HTATIP2: variants seen among roughly 807,000 people sequenced by gnomAD.
The protein encoded by HTATIP2 is HIV-1 Tat interactive protein 2.
HTATIP2 carries 26 observed loss-of-function variants against 24.7 expected under a neutral mutation model. That is an observed-to-expected ratio of 1.05 (90% CI 0.77 to 1.46). The LOEUF (loss-of-function observed/expected upper bound fraction) is 1.46. HTATIP2 is among the 40% of genes most tolerant of loss of function. HTATIP2 has a pLI of 0.00. For missense variants in HTATIP2, 284 were observed against 289.6 expected, an observed-to-expected ratio of 0.98 and a Z score of 0.14; for synonymous variants, 99 against 113.2, an observed-to-expected ratio of 0.87 and a Z score of 0.79.
At chr11:20,367,555 T>A (rs2064724563) in intron 2 of HTATIP2, 1 of 1,415,324 alleles carries the variant, frequency 7.1e-7, no homozygotes, top group Non-Finnish European at 9.2e-7. Context: ...TATCACTACA[T>A]CCCCTGACTA....
chr11:20,365,012 C>T, intron 1 of HTATIP2, among the ~76,000 whole-genome samples: 1 of 143,966 alleles, frequency 6.9e-6, no homozygotes. Flanking sequence ...GAGACGGAGT[C>T]TCACTCTGTC....
At chr11:20,376,385 G>A (rs527931698) in intron 2 of HTATIP2, 195 bp from the exon 3 acceptor site, 3 of 586,988 alleles carry the variant, frequency 5.1e-6, no homozygotes, top group Admixed American at 3.5e-5. Flanking sequence ...TGCTGCTAAA[G>A]CTGGTGTGCC....
chr11:20,367,026 T>G, intron 1 of HTATIP2, 148 bp from the exon 2 acceptor site: 1 of 859,746 alleles, frequency 1.2e-6, no homozygotes, highest in Non-Finnish European at 1.8e-6. Flanking sequence ...TCATTGCTTT[T>G]TGGTTGGAGA....
rs1200270831 is a variant in HTATIP2, at chr11:20,364,013, G to A, written c.-225G>A. 7.8e-7 allele frequency: 1 copy of A among 1,274,936 alleles called. No individual in the cohort carries two copies. Among genetic ancestry groups the A allele is most frequent in the Non-Finnish European group, 9.9e-7 (1 of 1,010,602 alleles). 79.0% of individuals were successfully genotyped at this position (1,274,936 alleles called of 1,614,324 possible). On this transcript the variant is annotated 5_prime_UTR_variant, in exon 1 of 5. It introduces an in-frame stop codon into an upstream open reading frame of the 5' UTR. Coordinates refer to ENST00000451739, the MANE Select transcript of HTATIP2 (RefSeq NM_001098522.2). The stretch of plus-strand genomic sequence containing the variant: ...TGATGCCAGCAGCTTGTGGCACCTG[G>A]GCGCACCCTCCAGCTCGGGCCCCTT...
At chr11:20,366,496 A>G (rs984471426) in intron 1 of HTATIP2, among the ~76,000 whole-genome samples, 3 of 152,142 alleles carry the variant, frequency 2.0e-5, no homozygotes, top group Admixed American at 6.5e-5. Flanking sequence ...ATAGGAATTT[A>G]TCATGCTTTC....
At chr11:20,367,336 C>CT (rs775585367) in intron 2 of HTATIP2, 55 bp downstream of exon 2, 1 of 1,611,892 alleles carries the variant, frequency 6.2e-7, no homozygotes, top group Non-Finnish European at 8.5e-7. Context: ...ATCAAGGATT[C>CT]TTTTCTTGCT....
intron 2 of HTATIP2, among the ~76,000 whole-genome samples, chr11:20,370,697 T>A (rs772887267): frequency 6.6e-6 from 1 of 152,238 alleles, no homozygotes; most frequent in Non-Finnish European, 1.5e-5. Flanking sequence ...TTGCCCAGGC[T>A]AGAGTGCAGT....
Position 20,364,401 on chromosome 11 carries a change from T to C in HTATIP2, c.164T>C (p.Leu55Pro). Residue 55 changes from leucine (L) to proline (P), a missense_variant, in exon 1 of 5, where the codon CTC becomes CCC. Physicochemically the swap from Leu to Pro is moderately conservative, Grantham distance 98 (BLOSUM62 -3). Coordinates refer to ENST00000451739, the MANE Select transcript of HTATIP2 (RefSeq NM_001098522.2). ...SKVTLIGRRK[L>P]TFDEEAYKNV... Reference sequence around the variant, plus strand: ...GTCACGCTCATTGGCCGGAGGAAGCTCACCTTCGACGAGGAAGCTTATAAA... The same window carrying C: ...GTCACGCTCATTGGCCGGAGGAAGCCCACCTTCGACGAGGAAGCTTATAAA... 6 of 1,609,528 alleles carry C rather than the reference T, an allele frequency of 3.7e-6. No homozygotes were observed. Among genetic ancestry groups the C allele is most frequent in the Non-Finnish European group, 3.4e-6 (4 of 1,176,792 alleles).
chr11:20,376,332 G>C (rs1848445280), intron 2 of HTATIP2: 2 of 482,624 alleles, frequency 4.1e-6, no homozygotes. Flanking sequence ...TGGTGTCTGT[G>C]TTTCAATGTC....
chr11:20,382,836 C>G (rs1848540039), intron 4 of HTATIP2, 144 bp from the exon 5 acceptor site: 1 of 535,624 alleles, frequency 1.9e-6, no homozygotes, highest in African/African-American at 2.7e-5. Context: ...GCCTTATCTT[C>G]AAATATAGAC....
At chr11:20,367,459 C>T (rs755176759) in intron 2 of HTATIP2, 178 bp downstream of exon 2, 22 of 1,474,094 alleles carry the variant, frequency 1.5e-5, no homozygotes, top group South Asian at 5.7e-5. Context: ...CTGATAAGTT[C>T]GTCTTTCAAA....
At chr11:20,378,423 C>T (rs79343400) in intron 3 of HTATIP2, among the ~76,000 whole-genome samples, 4,482 of 152,238 alleles carry the variant, frequency 0.029, 226 homozygotes, top group African/African-American at 0.1. Context: ...CAGCCTCAAC[C>T]TCCTGAGCAG....
In HTATIP2 at chr11:20,383,534, G is replaced by A; in HGVS notation, c.*329G>A. 7.5e-6 allele frequency: 2 copies of A among 265,926 alleles called. No homozygotes were observed. The highest frequency in any genetic ancestry group is 1.4e-5 in the Non-Finnish European group (2 of 139,880). 16.5% of individuals were successfully genotyped at this position (265,926 alleles called of 1,614,324 possible). On this transcript the variant is annotated 3_prime_UTR_variant, in exon 5 of 5. Transcript: ENST00000451739. ...TGGTTCCGATGCCACTGGCTGGGGG[G>A]CCTGCTTTGAAATGCTTGTCTGCAG...
Position 20,383,272 on chromosome 11 carries a change from C to A in HTATIP2, c.*67C>A. The A allele has an allele frequency of 8.2e-7, 1 of 1,212,568 alleles. No individual in the cohort carries two copies. The highest frequency in any genetic ancestry group is 1.2e-6 in the Non-Finnish European group (1 of 855,056). 75.1% of individuals were successfully genotyped at this position (1,212,568 alleles called of 1,614,324 possible). On this transcript the variant is annotated 3_prime_UTR_variant, in exon 5 of 5. Coordinates refer to ENST00000451739, the MANE Select transcript of HTATIP2 (RefSeq NM_001098522.2). ...ATCACCAAATCGGTAATTTCAGGGT[C>A]TAAAAAAAGTCAGCATGTTTTAACT... is the stretch of plus-strand genomic sequence containing the variant.
In HTATIP2 at chr11:20,364,341, T is replaced by A; in HGVS notation, c.104T>A (p.Leu35Ter). 6.2e-7 allele frequency: 1 copy of A among 1,613,784 alleles called. No homozygotes were observed. Among genetic ancestry groups the A allele is most frequent in the Non-Finnish European group, 8.5e-7 (1 of 1,179,772 alleles). Residue 35 changes from leucine (L) to a stop codon, truncating the protein, a stop_gained, in exon 1 of 5, where the codon TTA (leucine) becomes TAA (stop). Coordinates refer to ENST00000451739, the MANE Select transcript of HTATIP2 (RefSeq NM_001098522.2). LOFTEE classifies it high-confidence loss of function. ...AGCGGAGAAACCGGCAGAGTGCTCT[T>A]AAAGGAAATCCTGGAGCAGGGCCTG... The part of the protein sequence containing the change: ...GASGETGRVL[L>*]KEILEQGLFS...
chr11:20,383,026 GT>G lies in HTATIP2; in HGVS notation c.552del (p.Arg185GlufsTer20). The G allele has an allele frequency of 6.2e-7, 1 of 1,613,428 alleles. No homozygotes were observed. The highest frequency in any genetic ancestry group is 8.5e-7 in the Non-Finnish European group (1 of 1,179,954). Reference protein sequence around the residue: ...RQESRPGEWLVRKFFGSLPDS... With the variant: ...RQESRPGEWLXRKFFGSLPDS... ...AGAATCTCGCCCAGGTGAATGGCTG[GT>G]TAGAAAGTTCTTTGGCTCCTTACCA... On this transcript the variant is annotated frameshift_variant, in exon 5 of 5. Coordinates refer to ENST00000451739, the MANE Select transcript of HTATIP2 (RefSeq NM_001098522.2). LOFTEE classifies it high-confidence loss of function.
Position 20,363,752 on chromosome 11 carries a change from A to T in HTATIP2, c.-486A>T. The stretch of plus-strand genomic sequence containing the variant: ...GGCCACCCGGAAGACCAAGCCGGGT[A>T]GGCGCTGTCTCCGTCGCCTCCAACC... On this transcript the variant is annotated 5_prime_UTR_variant, in exon 1 of 5. Coordinates refer to ENST00000451739, the MANE Select transcript of HTATIP2 (RefSeq NM_001098522.2). 8.1e-7 allele frequency: 1 copy of T among 1,235,260 alleles called. No homozygotes were observed. The highest frequency in any genetic ancestry group is 1.0e-6 in the Non-Finnish European group (1 of 986,306). 76.5% of individuals were successfully genotyped at this position (1,235,260 alleles called of 1,614,324 possible).
At chr11:20,366,506 CTTTT>C (rs1208182646) in intron 1 of HTATIP2, among the ~76,000 whole-genome samples, 3 of 152,050 alleles carry the variant, frequency 2.0e-5, no homozygotes, top group Non-Finnish European at 4.4e-5. Context: ...ATCATGCTTT[CTTTT>C]TTAAGTTATA....
At chr11:20,367,613 C>T in intron 2 of HTATIP2, 1 of 1,303,844 alleles carries the variant, frequency 7.7e-7, no homozygotes, top group Non-Finnish European at 9.7e-7. Flanking sequence ...ATGCTGTTAA[C>T]AATCAGCTGT....
Sources: allele counts gnomAD v4.1 joint callset (sites outside exome capture counted in the v4.1 genomes callset), GRCh38; gene constraint gnomAD v4.1.1; transcripts MANE v1.5; gene names NCBI Gene and HGNC (gene_info 2026-07-23, HGNC 2026-07-21).